LRCH3: variants seen among roughly 807,000 people sequenced by gnomAD.
LRCH3 encodes leucine rich repeats and calponin homology domain containing 3.
Under a neutral mutation model 104.5 loss-of-function variants are expected in LRCH3, and 68 were observed. That is an observed-to-expected ratio of 0.65 (90% CI 0.54 to 0.80). LRCH3 has a LOEUF of 0.80. Among genes scored for constraint, LRCH3 ranks in the 30% least tolerant of loss-of-function variants. LRCH3 has a pLI of 0.00. For missense variants in LRCH3, 951 were observed against 953.9 expected (o/e 1.00, Z 0.04); for synonymous variants, 344 against 361.3 (o/e 0.95, Z 0.54).
chr3:197,815,455 A>G (rs911244315), intron 2 of LRCH3, among the ~76,000 whole-genome samples: 10 of 152,212 alleles, frequency 6.6e-5, no homozygotes, highest in African/African-American at 2.4e-4. Flanking sequence ...ACAATTTACT[A>G]GATAGTGTAG....
In LRCH3 at chr3:197,813,510, ATTTT is replaced by A. The variant is rs57062885; in HGVS notation, c.263-1363_263-1360del. On this transcript the variant is annotated intron_variant, in intron 1 of 20. Transcript: ENST00000425562. ...CCGTTCTTCTAATGGGAGGCATATAATTTTTTTTTTTTTTTTTTTTTTTTTTTTT... is the reference window on the plus strand; with the variant it reads ...CCGTTCTTCTAATGGGAGGCATATAATTTTTTTTTTTTTTTTTTTTTTTTT... 6.4e-4 allele frequency among the ~76,000 whole-genome samples: 42 copies of A among 66,062 alleles called. 10 individuals carry two copies. Among genetic ancestry groups the A allele is most frequent in the South Asian group, 2.4e-3 (4 of 1,646 alleles). 43.3% of individuals were successfully genotyped at this position (66,062 alleles called of 152,430 possible). A position where few individuals can be genotyped will look rare whatever the true frequency, so the allele number is the denominator to read the frequency against.
intron 9 of LRCH3, among the ~76,000 whole-genome samples, chr3:197,838,582 A>G (rs1188965695): frequency 6.6e-6 from 1 of 152,122 alleles, no homozygotes; most frequent in East Asian, 1.9e-4. Context: ...ACAAGATTGT[A>G]TTGCTTCTAT....
chr3:197,813,562 G>A (rs983437369), intron 1 of LRCH3, among the ~76,000 whole-genome samples: 5 of 104,736 alleles, frequency 4.8e-5, no homozygotes, highest in African/African-American at 7.4e-5. Context: ...ATGGAATCTC[G>A]CTCTCTTGCC....
intron 10 of LRCH3, 65 bp downstream of exon 10, chr3:197,839,462 G>C: frequency 1.0e-6 from 1 of 965,690 alleles, no homozygotes; most frequent in East Asian, 2.6e-5. Flanking sequence ...AGTAATTTTG[G>C]TTTTATGCAG....
chr3:197,862,787 C>T (rs921712446), intron 15 of LRCH3, among the ~76,000 whole-genome samples: 4 of 152,114 alleles, frequency 2.6e-5, no homozygotes, highest in Non-Finnish European at 5.9e-5. Context: ...TTTCTCAACA[C>T]CCAGAACTTA....
At chr3:197,871,716 T>C in intron 19 of LRCH3, 1 of 349,610 alleles carries the variant, frequency 2.9e-6, no homozygotes, top group Non-Finnish European at 5.0e-6. Flanking sequence ...TAACTCCACC[T>C]GGAGAGTTCA....
intron 1 of LRCH3, among the ~76,000 whole-genome samples, chr3:197,808,225 T>C (rs557680404): frequency 6.6e-6 from 1 of 152,310 alleles, no homozygotes; most frequent in South Asian, 2.1e-4. Context: ...AAAGATGATA[T>C]GAAGACTCAG....
chr3:197,859,009 C>A, intron 15 of LRCH3, 104 bp downstream of exon 15: 1 of 832,302 alleles, frequency 1.2e-6, no homozygotes. Context: ...TATAGGATCG[C>A]ATAAATATAC....
intron 1 of LRCH3, among the ~76,000 whole-genome samples, chr3:197,798,917 C>T (rs1560518007): frequency 6.6e-6 from 1 of 152,228 alleles, no homozygotes; most frequent in Admixed American, 6.5e-5. Flanking sequence ...TTTTGGACAG[C>T]ACCTTGGACC....
rs985006722 is a variant in LRCH3 at position 197,856,512 on chromosome 3, G to T, written c.1644+2067G>T. Among the ~76,000 whole-genome samples the T allele has an allele frequency of 2.0e-5, 3 of 151,924 alleles. No homozygotes were observed. The highest frequency in any genetic ancestry group is 7.3e-5 in the African/African-American group (3 of 41,362). The stretch of plus-strand genomic sequence containing the variant: ...TGGTTCCTTGAAGCATCAGCCTCTT[G>T]AGTAGCTGGGACTACGGGTGCATGC... On this transcript the variant is annotated intron_variant, in intron 14 of 20. Transcript: ENST00000425562. This position sits in a 1 kb window ranked among gnomAD's most constrained non-coding sequence, Gnocchi z 4.2.
intron 14 of LRCH3, among the ~76,000 whole-genome samples, chr3:197,855,405 C>T (rs576837046): frequency 1.4e-4 from 22 of 152,296 alleles, no homozygotes; most frequent in South Asian, 4.1e-4. Context: ...TGAGAGCCTC[C>T]GACGATCCAA....
chr3:197,848,978 A>G (rs1739171283), intron 12 of LRCH3, among the ~76,000 whole-genome samples: 2 of 152,202 alleles, frequency 1.3e-5, no homozygotes, highest in Admixed American at 1.3e-4. Context: ...ATGCAGGCAA[A>G]TCTGGCCGGG....
chr3:197,844,636 C>T (rs561788531), intron 10 of LRCH3, among the ~76,000 whole-genome samples: 7 of 150,138 alleles, frequency 4.7e-5, no homozygotes, highest in African/African-American at 1.5e-4. Context: ...TTTTTTTTTC[C>T]CAGATGGAGC....
intron 20 of LRCH3, among the ~76,000 whole-genome samples, chr3:197,878,744 T>C (rs558449160): frequency 2.2e-3 from 338 of 152,328 alleles, no homozygotes; most frequent in African/African-American, 4.9e-3. Flanking sequence ...AAACTAGCCT[T>C]CTGAGGTCCC....
chr3:197,862,330 G>A (rs1039212162), intron 15 of LRCH3, among the ~76,000 whole-genome samples: 5 of 152,258 alleles, frequency 3.3e-5, no homozygotes, highest in Middle Eastern at 3.4e-3. Flanking sequence ...GAGAACATTC[G>A]CTGCCCTTCA....
intron 3 of LRCH3, among the ~76,000 whole-genome samples, chr3:197,819,951 C>A (rs1403378444): frequency 6.6e-6 from 1 of 152,132 alleles, no homozygotes; most frequent in African/African-American, 2.4e-5. Context: ...CTCACGTGAT[C>A]CACCCACCTC....
chr3:197,797,837 G>A (rs1731400373), intron 1 of LRCH3, among the ~76,000 whole-genome samples: 1 of 130,984 alleles, frequency 7.6e-6, no homozygotes, highest in Non-Finnish European at 1.5e-5. Context: ...CCCAGCACTG[G>A]CAACAGAGCG....
chr3:197,833,660 A>C (rs541987608), intron 8 of LRCH3, among the ~76,000 whole-genome samples: 82 of 152,340 alleles, frequency 5.4e-4, no homozygotes, highest in Middle Eastern at 3.4e-3. Context: ...TGCATTGATT[A>C]TATGTTGAAG....
At position 197,856,066 on chromosome 3, in the gene LRCH3, T is replaced by C. The variant is rs1740211032; in HGVS notation, c.1644+1621T>C. ...CCAGCATTGTTTCCAGCTCTTCAAA[T>C]ATCATAAGCCCTTTCCCATCTCAGA... is the stretch of plus-strand genomic sequence containing the variant. On this transcript the variant is annotated intron_variant, in intron 14 of 20. Transcript: ENST00000425562. The surrounding 1 kb of genome is among the most constrained non-coding windows in gnomAD (Gnocchi z 4.2). Among the ~76,000 whole-genome samples the C allele has an allele frequency of 6.6e-6, 1 of 152,220 alleles. No individual in the cohort carries two copies. Among genetic ancestry groups the C allele is most frequent in the Non-Finnish European group, 1.5e-5 (1 of 68,042 alleles).
Sources: gnomAD v4.1 joint callset for allele counts (sites outside exome capture counted in the v4.1 genomes callset) on GRCh38, gnomAD v4.1.1 for gene constraint, Gnocchi (gnomAD v3.1) non-coding constraint, MANE v1.5 for transcripts, NCBI Gene and HGNC (gene_info 2026-07-23, HGNC 2026-07-21) for gene names.